Variants in TMEM135 observed in about 807,000 individuals in gnomAD.
The protein encoded by TMEM135 is peroxisomal membrane protein 52.
Under a neutral mutation model 60.3 loss-of-function variants are expected in TMEM135, and 30 were observed. The ratio of observed to expected loss-of-function variants is 0.50; its 90% CI spans 0.37 to 0.68. The LOEUF is 0.68. Ranked by LOEUF, TMEM135 falls within the 30% of genes least tolerant of loss-of-function variation. TMEM135 has a pLI of 0.00. For synonymous variants in TMEM135, 190 were observed against 186.7 expected, an observed-to-expected ratio of 1.02 and a Z score of -0.14; for missense variants, 468 against 548.8, an observed-to-expected ratio of 0.85 and a Z score of 1.47.
chr11:87,217,945 C>T (rs2135350347), intron 5 of TMEM135, among the ~76,000 whole-genome samples: 1 of 152,242 alleles, frequency 6.6e-6, no homozygotes, highest in Middle Eastern at 3.4e-3. Context: ...AGATAGTTCT[C>T]AGGCCTTTTT....
chr11:87,100,818 C>T (rs1274309727), intron 4 of TMEM135, among the ~76,000 whole-genome samples: 2 of 151,794 alleles, frequency 1.3e-5, no homozygotes, highest in Non-Finnish European at 2.9e-5. Flanking sequence ...GCCAAGATTG[C>T]GTCAGTGCAC....
In TMEM135 at chr11:87,328,740, C is replaced by T. The variant is rs1341316932; in HGVS notation, c.*7407C>T. The T allele has an allele frequency of 4.4e-6, 2 of 453,954 alleles. No homozygotes were observed. The highest frequency in any genetic ancestry group is 2.0e-5 in the African/African-American group (1 of 49,992). The allele number at this position is 453,954 out of a possible 1,614,324, so 28.1% of individuals were successfully genotyped here. A position where few individuals can be genotyped will look rare whatever the true frequency, so the allele number is the denominator to read the frequency against. Reference sequence around the variant, plus strand: ...ATATATACCACATTTTCTTTATCCACTCATTGGTCTATGGGCACTTTGGTT... The same window carrying T: ...ATATATACCACATTTTCTTTATCCATTCATTGGTCTATGGGCACTTTGGTT... On this transcript the variant is annotated 3_prime_UTR_variant, in exon 15 of 15. Coordinates refer to ENST00000305494, the MANE Select transcript of TMEM135 (RefSeq NM_022918.4).
intron 6 of TMEM135, among the ~76,000 whole-genome samples, chr11:87,277,830 A>ATT (rs1941995822): frequency 6.6e-6 from 1 of 152,166 alleles, no homozygotes; most frequent in South Asian, 2.1e-4. Context: ...CCAACTCTTA[A>ATT]CATAAAATGT....
intron 6 of TMEM135, among the ~76,000 whole-genome samples, chr11:87,250,802 G>A (rs905676483): frequency 6.6e-6 from 1 of 152,110 alleles, no homozygotes. Context: ...TCAGAGTTAG[G>A]AGATGTGCCT....
chr11:87,085,476 G>A (rs1045870529), intron 3 of TMEM135, among the ~76,000 whole-genome samples: 8 of 152,170 alleles, frequency 5.3e-5, no homozygotes, highest in South Asian at 2.1e-4. Context: ...ATGATTTAGG[G>A]CCAGGTGCGG....
intron 5 of TMEM135, among the ~76,000 whole-genome samples, chr11:87,171,933 G>A (rs1250857447): frequency 6.6e-6 from 1 of 152,112 alleles, no homozygotes; most frequent in Admixed American, 6.6e-5. Context: ...GATCTGACAG[G>A]AGGCCAAGCT....
chr11:87,064,864 A>G (rs1444153970), intron 1 of TMEM135, among the ~76,000 whole-genome samples: 2 of 152,182 alleles, frequency 1.3e-5, no homozygotes, highest in Admixed American at 1.3e-4. Context: ...CAGCCTGGGC[A>G]ACAGAGCGAG....
At chr11:87,317,239 G>A (rs1176247365) in intron 12 of TMEM135, among the ~76,000 whole-genome samples, 1 of 151,928 alleles carries the variant, frequency 6.6e-6, no homozygotes, top group African/African-American at 2.4e-5. Flanking sequence ...TCTATCTATT[G>A]GGAAATAGCT....
chr11:87,141,232 C>T (rs1012042172), intron 4 of TMEM135, among the ~76,000 whole-genome samples: 7 of 151,944 alleles, frequency 4.6e-5, no homozygotes, highest in African/African-American at 1.7e-4. Flanking sequence ...CATATTTCTG[C>T]ACTTTCTTAG....
At chr11:87,270,508 A>G (rs1444178701) in intron 6 of TMEM135, among the ~76,000 whole-genome samples, 3 of 152,220 alleles carry the variant, frequency 2.0e-5, no homozygotes, top group Non-Finnish European at 2.9e-5. Flanking sequence ...AATAGCATTC[A>G]GTAGGTTGTC....
In TMEM135 at chr11:87,081,370, A is replaced by G. The variant is rs117392126; in HGVS notation, c.362+9755A>G. Among the ~76,000 whole-genome samples the G allele has an allele frequency of 3.4e-4, 51 of 151,534 alleles. No homozygotes were observed. The East Asian group carries it at 9.7e-3, about 29-fold the overall frequency. ...GTTATTTTCTTTTAGTGCTTGCTCT[A>G]TAGACTACAATATACATCTTTGAAG... On this transcript the variant is annotated intron_variant, in intron 3 of 14. Transcript: ENST00000305494.
At chr11:87,106,231 G>A (rs778529467) in intron 4 of TMEM135, among the ~76,000 whole-genome samples, 18 of 151,936 alleles carry the variant, frequency 1.2e-4, no homozygotes, top group Non-Finnish European at 2.5e-4. Flanking sequence ...AGCCTCCTGA[G>A]TAGCTGGGAA....
intron 5 of TMEM135, among the ~76,000 whole-genome samples, chr11:87,193,559 A>G (rs1381053023): frequency 6.6e-6 from 1 of 151,928 alleles, no homozygotes; most frequent in African/African-American, 2.4e-5. Context: ...TGGGGGGATA[A>G]CTGTTAATTT....
intron 5 of TMEM135, among the ~76,000 whole-genome samples, chr11:87,188,216 C>A (rs1470639121): frequency 6.6e-6 from 1 of 151,978 alleles, no homozygotes; most frequent in Non-Finnish European, 1.5e-5. Context: ...CATACGCCAC[C>A]CCTCAATCTC....
intron 4 of TMEM135, among the ~76,000 whole-genome samples, chr11:87,128,380 T>C (rs1937798512): frequency 6.6e-6 from 1 of 152,192 alleles, no homozygotes; most frequent in Admixed American, 6.5e-5. Context: ...ACCTTCTGCG[T>C]GTTCTTTTTT....
intron 1 of TMEM135, among the ~76,000 whole-genome samples, chr11:87,066,999 C>T (rs150659711): frequency 6.6e-6 from 1 of 151,220 alleles, no homozygotes; most frequent in South Asian, 2.1e-4. Context: ...CCAGAATGGT[C>T]TTGAACTCCA....
intron 5 of TMEM135, among the ~76,000 whole-genome samples, chr11:87,172,129 T>C (rs1939253773): frequency 6.6e-6 from 1 of 152,132 alleles, no homozygotes; most frequent in African/African-American, 2.4e-5. Context: ...TTCAAAACTA[T>C]AGGTACCTGG....
Position 87,092,875 on chromosome 11 carries a change from T to C in TMEM135, c.396+1480T>C, listed in dbSNP as rs576505708. On this transcript the variant is annotated intron_variant, in intron 4 of 14. Coordinates refer to ENST00000305494, the MANE Select transcript of TMEM135 (RefSeq NM_022918.4). The stretch of plus-strand genomic sequence containing the variant: ...TTTTTCTCAAATTTTTTTTTAAGAT[T>C]TACTTTTGAAGAATTTATTTTTGGC... Among the ~76,000 whole-genome samples, 24 of 152,228 alleles carry C rather than the reference T, an allele frequency of 1.6e-4. No individual in the cohort carries two copies. In the East Asian group the frequency reaches 4.2e-3, roughly 27 times the overall value.
chr11:87,289,764 A>C (rs570647705), intron 6 of TMEM135, among the ~76,000 whole-genome samples: 37 of 152,080 alleles, frequency 2.4e-4, no homozygotes, highest in Middle Eastern at 3.4e-3. Flanking sequence ...CCATCTCTTC[A>C]TATCTTTACC....
Sources: gnomAD v4.1 joint callset for allele counts (sites outside exome capture counted in the v4.1 genomes callset) on GRCh38, gnomAD v4.1.1 for gene constraint, MANE v1.5 for transcripts, NCBI Gene and HGNC (gene_info 2026-07-23, HGNC 2026-07-21) for gene names.